The following NDUFAF2 variants were observed in gnomAD, a reference collection of about 807,000 sequenced individuals.
The protein encoded by NDUFAF2 is NADH:ubiquinone oxidoreductase complex assembly factor 2.
Under a neutral mutation model 22.8 loss-of-function variants are expected in NDUFAF2, and 13 were observed. The ratio of observed to expected loss-of-function variants is 0.57; its 90% CI spans 0.37 to 0.91. NDUFAF2 has a LOEUF of 0.91. Ranked by LOEUF, NDUFAF2 falls within the 40% of genes least tolerant of loss-of-function variation. NDUFAF2 has a pLI of 0.01. For missense variants in NDUFAF2, 162 were observed against 195.2 expected (o/e 0.83, Z 1.01); for synonymous variants, 53 against 64.2 (o/e 0.83, Z 0.84).
At chr5:61,120,007 G>A (rs934349777) in intron 3 of NDUFAF2, among the ~76,000 whole-genome samples, 3 of 152,112 alleles carry the variant, frequency 2.0e-5, no homozygotes, top group African/African-American at 7.2e-5. Flanking sequence ...ATTTTAGCAA[G>A]TTAATTTGCC....
At chr5:61,135,185 C>G (rs755937561) in intron 3 of NDUFAF2, among the ~76,000 whole-genome samples, 52 of 151,138 alleles carry the variant, frequency 3.4e-4, no homozygotes, top group Non-Finnish European at 6.6e-4. Context: ...CTGGAAAGAC[C>G]TAACAGCAAT....
intron 2 of NDUFAF2, among the ~76,000 whole-genome samples, chr5:61,092,366 ATTTG>A (rs1248321995): frequency 1.3e-5 from 2 of 151,768 alleles, no homozygotes; most frequent in Non-Finnish European, 2.9e-5. Context: ...GTGTTTTTCC[ATTTG>A]TTTGTGTCAT....
chr5:61,093,129 G>C (rs1752591509), intron 2 of NDUFAF2, among the ~76,000 whole-genome samples: 1 of 152,154 alleles, frequency 6.6e-6, no homozygotes, highest in African/African-American at 2.4e-5. Context: ...AGTCCAGAAG[G>C]CTCAGCAAGT....
intron 2 of NDUFAF2, among the ~76,000 whole-genome samples, chr5:61,097,699 G>C (rs1752662038): frequency 6.6e-6 from 1 of 152,120 alleles, no homozygotes; most frequent in Admixed American, 6.6e-5. Flanking sequence ...CTCTAAAATG[G>C]GATCAATAAT....
intron 1 of NDUFAF2, among the ~76,000 whole-genome samples, chr5:60,975,531 A>G (rs1750891098): frequency 6.6e-6 from 1 of 152,170 alleles, no homozygotes; most frequent in Admixed American, 6.5e-5. Flanking sequence ...TTGGAAGGAA[A>G]ATTTGTGAGT....
intron 1 of NDUFAF2, among the ~76,000 whole-genome samples, chr5:60,957,913 C>T (rs557229117): frequency 1.3e-5 from 2 of 152,208 alleles, no homozygotes; most frequent in African/African-American, 2.4e-5. Flanking sequence ...TGTGTATAAC[C>T]TGTATTAGTG....
chr5:61,042,349 ATAT>A (rs1405040831), intron 1 of NDUFAF2, among the ~76,000 whole-genome samples: 1 of 152,190 alleles, frequency 6.6e-6, no homozygotes, highest in Non-Finnish European at 1.5e-5. Context: ...ATCTTCAACT[ATAT>A]TATTGTATAA....
intron 2 of NDUFAF2, among the ~76,000 whole-genome samples, chr5:61,079,017 C>T (rs1335895399): frequency 6.6e-6 from 1 of 152,092 alleles, no homozygotes; most frequent in Non-Finnish European, 1.5e-5. Context: ...CCCTAAAATA[C>T]ATACAAAGCA....
intron 3 of NDUFAF2, among the ~76,000 whole-genome samples, chr5:61,139,984 C>G (rs1741025885): frequency 6.6e-6 from 1 of 152,236 alleles, no homozygotes; most frequent in South Asian, 2.1e-4. Flanking sequence ...TTTCATCACT[C>G]AGGAAAACTC....
chr5:61,100,699 A>G (rs1160212216), intron 3 of NDUFAF2, among the ~76,000 whole-genome samples: 1 of 152,108 alleles, frequency 6.6e-6, no homozygotes, highest in Non-Finnish European at 1.5e-5. Context: ...CTGTGCCTGC[A>G]AGATAGTGAG....
intron 1 of NDUFAF2, among the ~76,000 whole-genome samples, chr5:61,016,728 T>A (rs1009339105): frequency 6.6e-6 from 1 of 152,204 alleles, no homozygotes; most frequent in African/African-American, 2.4e-5. Context: ...TGTTTTTTAA[T>A]CATCTGAATG....
intron 3 of NDUFAF2, among the ~76,000 whole-genome samples, chr5:61,139,627 T>C (rs1741020214): frequency 6.6e-6 from 1 of 152,210 alleles, no homozygotes; most frequent in Non-Finnish European, 1.5e-5. Flanking sequence ...TATCTGTTGA[T>C]AGCGACAGGA....
chr5:61,036,313 A>G (rs1186383874), intron 1 of NDUFAF2, among the ~76,000 whole-genome samples: 1 of 152,212 alleles, frequency 6.6e-6, no homozygotes, highest in Non-Finnish European at 1.5e-5. Flanking sequence ...TGTGCATGGG[A>G]CTTTTCTAGG....
At chr5:61,088,698 C>G (rs1752533346) in intron 2 of NDUFAF2, among the ~76,000 whole-genome samples, 1 of 152,048 alleles carries the variant, frequency 6.6e-6, no homozygotes, top group Non-Finnish European at 1.5e-5. Context: ...CTAAGATATC[C>G]TTAAAAGTCA....
intron 2 of NDUFAF2, among the ~76,000 whole-genome samples, chr5:61,084,622 T>C (rs1752483699): frequency 6.6e-6 from 1 of 152,236 alleles, no homozygotes; most frequent in South Asian, 2.1e-4. Context: ...AATGTCTTCA[T>C]GGTTCATCCA....
intron 1 of NDUFAF2, among the ~76,000 whole-genome samples, chr5:60,990,878 C>T (rs929265677): frequency 6.6e-6 from 1 of 152,016 alleles, no homozygotes; most frequent in Non-Finnish European, 1.5e-5. Context: ...CAATGCAGAG[C>T]CTTTTGGATC....
chr5:61,046,572 A>G (rs995464738), intron 1 of NDUFAF2, among the ~76,000 whole-genome samples: 2 of 152,072 alleles, frequency 1.3e-5, no homozygotes, highest in African/African-American at 2.4e-5. Context: ...CCATTTTGCT[A>G]TATATTATCT....
At chr5:61,131,902 T>C (rs1485685732) in intron 3 of NDUFAF2, among the ~76,000 whole-genome samples, 1 of 152,182 alleles carries the variant, frequency 6.6e-6, no homozygotes, top group Non-Finnish European at 1.5e-5. Context: ...TTTACATTTC[T>C]GTATTTTTTT....
chr5:61,028,147 G>A (rs76951404), intron 1 of NDUFAF2, among the ~76,000 whole-genome samples: 3,173 of 152,082 alleles, frequency 0.021, 57 homozygotes, highest in Non-Finnish European at 0.031. Flanking sequence ...ACTTCCAGAA[G>A]GATCTCTCTG....
Sources: allele counts gnomAD v4.1 joint callset (sites outside exome capture counted in the v4.1 genomes callset), GRCh38; gene constraint gnomAD v4.1.1; transcripts MANE v1.5; gene names NCBI Gene and HGNC (gene_info 2026-07-23, HGNC 2026-07-21).